PTPRQ: variants seen among roughly 807,000 people sequenced by gnomAD.
PTPRQ encodes phosphatidylinositol phosphatase PTPRQ.
In PTPRQ, 199 loss-of-function variants were observed where a neutral mutation model predicts 246.0. That is an observed-to-expected ratio of 0.81 (90% CI 0.72 to 0.91). The LOEUF is 0.91. PTPRQ is among the 40% of genes least tolerant of loss of function. PTPRQ has a pLI of 0.00. For missense variants in PTPRQ, 2,624 were observed against 2,528.4 expected (o/e 1.04, Z -0.81); for synonymous variants, 869 against 853.2 (o/e 1.02, Z -0.32).
At chr12:80,547,983 G>A (rs1478842627) in intron 24 of PTPRQ, among the ~76,000 whole-genome samples, 3 of 152,240 alleles carry the variant, frequency 2.0e-5, no homozygotes, top group African/African-American at 7.2e-5. Context: ...CTGACTTCTA[G>A]TGAAGAGTGG....
intron 43 of PTPRQ, among the ~76,000 whole-genome samples, chr12:80,675,542 G>T (rs574201186): frequency 3.9e-5 from 6 of 152,250 alleles, no homozygotes; most frequent in African/African-American, 1.4e-4. Flanking sequence ...TTGCTCTCTT[G>T]GGTAGGATAG....
chr12:80,473,261 T>G (rs1893710842), intron 8 of PTPRQ, among the ~76,000 whole-genome samples: 1 of 152,204 alleles, frequency 6.6e-6, no homozygotes, highest in South Asian at 2.1e-4. Context: ...TATAAGAAAG[T>G]TGTACATACT....
At chr12:80,588,489 T>C (rs988575255) in intron 26 of PTPRQ, 37 bp downstream of exon 26, 20 of 1,431,212 alleles carry the variant, frequency 1.4e-5, no homozygotes, top group South Asian at 5.0e-5. Context: ...CTGATTTCTG[T>C]TATATTCTGT....
At chr12:80,496,949 AAGACTTATGGAGG>A (rs1894646617) in intron 14 of PTPRQ, among the ~76,000 whole-genome samples, 1 of 151,788 alleles carries the variant, frequency 6.6e-6, no homozygotes, top group South Asian at 2.1e-4. Context: ...ATGCCTGGAG[AAGACTTATGGAGG>A]AGACAGCATT....
At chr12:80,550,152 T>A (rs1401677220) in intron 25 of PTPRQ, among the ~76,000 whole-genome samples, 2 of 152,120 alleles carry the variant, frequency 1.3e-5, no homozygotes, top group East Asian at 3.9e-4. Flanking sequence ...ATCTATTTTC[T>A]CCCCTTTATA....
chr12:80,655,567 C>G (rs1434866310), intron 38 of PTPRQ, among the ~76,000 whole-genome samples: 1 of 151,608 alleles, frequency 6.6e-6, no homozygotes, highest in Non-Finnish European at 1.5e-5. Flanking sequence ...CCCCGGTTCT[C>G]TCTGTCTCTC....
At chr12:80,667,525 T>C (rs111728993) in intron 39 of PTPRQ, among the ~76,000 whole-genome samples, 2 of 151,964 alleles carry the variant, frequency 1.3e-5, no homozygotes, top group African/African-American at 4.8e-5. Context: ...TATACATTAA[T>C]AGACAATGTC....
At chr12:80,494,460 ACT>A (rs1283091172) in intron 10 of PTPRQ, among the ~76,000 whole-genome samples, 2 of 151,832 alleles carry the variant, frequency 1.3e-5, no homozygotes, top group African/African-American at 4.8e-5. Context: ...TATTTATTTA[ACT>A]CTTTTACTAA....
intron 9 of PTPRQ, among the ~76,000 whole-genome samples, chr12:80,489,460 C>A (rs1376743297): frequency 6.6e-6 from 1 of 151,980 alleles, no homozygotes; most frequent in African/African-American, 2.4e-5. Flanking sequence ...TTTGCAGTAA[C>A]AACAATAATA....
intron 33 of PTPRQ, among the ~76,000 whole-genome samples, chr12:80,626,935 G>A (rs1554837): frequency 0.067 from 10,099 of 151,860 alleles, 418 homozygotes; most frequent in East Asian, 0.13. Context: ...TTTTAACACC[G>A]AATAATGTGA....
Position 80,538,776 on chromosome 12 carries a change from TA to T in PTPRQ, c.2986-998del, listed in dbSNP as rs1296343379. Among the ~76,000 whole-genome samples, 265 of 105,600 alleles carry T rather than the reference TA, an allele frequency of 2.5e-3. 4 individuals are homozygous for T. The highest frequency in any genetic ancestry group is 9.9e-3 in the African/African-American group (249 of 25,268). 69.3% of individuals were successfully genotyped at this position (105,600 alleles called of 152,430 possible). On this transcript the variant is annotated intron_variant, in intron 19 of 44. Coordinates refer to ENST00000644991, the MANE Select transcript of PTPRQ (RefSeq NM_001145026.2). ...AATGAAACTAATTACTGTTTTTTTT[TA>T]ATTGTGTGCTAGACATGGTATTAAT...
At position 80,679,741 on chromosome 12, in the gene PTPRQ, T is replaced by C. The variant is rs1901256959; in HGVS notation, c.*718T>C. On this transcript the variant is annotated 3_prime_UTR_variant, in exon 45 of 45. Coordinates refer to ENST00000644991, the MANE Select transcript of PTPRQ (RefSeq NM_001145026.2). ...CTAGCAAACCTACATTTGTAAACTT[T>C]AAAACACAAGTTTTACCCCCTGTAT... The C allele has an allele frequency of 6.6e-6, 1 of 152,058 alleles. No individual in the cohort carries two copies. Among genetic ancestry groups the C allele is most frequent in the Non-Finnish European group, 1.5e-5 (1 of 67,970 alleles). 9.4% of individuals were successfully genotyped at this position (152,058 alleles called of 1,614,324 possible). A position where few individuals can be genotyped will look rare whatever the true frequency, so the allele number is the denominator to read the frequency against.
intron 16 of PTPRQ, among the ~76,000 whole-genome samples, chr12:80,507,327 T>G (rs542548257): frequency 9.2e-5 from 14 of 152,064 alleles, no homozygotes; most frequent in Non-Finnish European, 1.8e-4. Flanking sequence ...ATTTTATGTT[T>G]TATACATTGC....
At chr12:80,539,986 A>G in intron 20 of PTPRQ, 42 bp downstream of exon 20, 1 of 1,377,080 alleles carries the variant, frequency 7.3e-7, no homozygotes, top group Non-Finnish European at 9.5e-7. Context: ...TGATTAATTT[A>G]AAACTTATTA....
At position 80,620,386 on chromosome 12, in the gene PTPRQ, G is replaced by A. The variant is rs1898935136; in HGVS notation, c.5612+10G>A. On this transcript the variant is annotated intron_variant, in intron 32 of 44. Transcript: ENST00000644991. ...CAAAAAAGCAATACTTGTAAGTATA[G>A]GTTATATCTACCATGCATTCTGTTA... The A allele has an allele frequency of 1.3e-6, 2 of 1,547,656 alleles. No individual in the cohort carries two copies. Among genetic ancestry groups the A allele is most frequent in the African/African-American group, 1.4e-5 (1 of 72,690 alleles).
At chr12:80,665,193 C>A (rs1439136902) in intron 39 of PTPRQ, among the ~76,000 whole-genome samples, 1 of 151,972 alleles carries the variant, frequency 6.6e-6, no homozygotes, top group African/African-American at 2.4e-5. Context: ...AGCTGAAGTA[C>A]GTGGAGTCCG....
At chr12:80,664,609 G>T (rs1279492709) in intron 39 of PTPRQ, among the ~76,000 whole-genome samples, 1 of 151,830 alleles carries the variant, frequency 6.6e-6, no homozygotes, top group African/African-American at 2.4e-5. Context: ...CTTCTTTATT[G>T]TTCTTTTTAT....
chr12:80,678,468 A>G lies in PTPRQ; in HGVS notation c.6739-134A>G, dbSNP rs1266484262. Reference sequence around the variant, plus strand: ...AATGGTAGAAAATCATATCTATACTATGATAAATTCTGTGTCTGTAACTTA... The same window carrying G: ...AATGGTAGAAAATCATATCTATACTGTGATAAATTCTGTGTCTGTAACTTA... On this transcript the variant is annotated intron_variant, in intron 43 of 44. Transcript: ENST00000644991. The G allele has an allele frequency of 2.6e-6, 3 of 1,141,762 alleles. No homozygotes were observed. In the African/African-American group the frequency reaches 4.8e-5, roughly 18 times the overall value. The allele number at this position is 1,141,762 out of a possible 1,614,324, so 70.7% of individuals were successfully genotyped here. A position where few individuals can be genotyped will look rare whatever the true frequency, so the allele number is the denominator to read the frequency against.
chr12:80,468,740 C>A lies in PTPRQ; in HGVS notation c.941C>A (p.Thr314Lys), dbSNP rs534799489. 6.5e-7 allele frequency: 1 copy of A among 1,548,524 alleles called. No homozygotes were observed. The highest frequency in any genetic ancestry group is 1.4e-5 in the African/African-American group (1 of 72,976). The change falls in exon 7 of 45, where the codon ACA (threonine) becomes AAA (lysine). Residue 314 changes from threonine (T) to lysine (K), a missense_variant. Physicochemically the swap from Thr to Lys is moderately conservative, Grantham distance 78. Transcript: ENST00000644991. ...VPEGPPQNCV[T>K]GNITGKSFSI... is the part of the protein sequence containing the mutation. ...GAAGGACCACCACAAAACTGCGTAA[C>A]AGGCAACATCACAGGAAAGTCCTTT...
Sources: allele counts gnomAD v4.1 joint callset (sites outside exome capture counted in the v4.1 genomes callset), GRCh38; gene constraint gnomAD v4.1.1; transcripts MANE v1.5; gene names NCBI Gene and HGNC (gene_info 2026-07-23, HGNC 2026-07-21).